The following GHR variants were observed in gnomAD, a reference collection of about 807,000 sequenced individuals.
The protein encoded by GHR is growth hormone receptor.
In GHR, 35 loss-of-function variants were observed where a neutral mutation model predicts 67.1. That is an observed-to-expected ratio of 0.52 (90% CI 0.40 to 0.69). The LOEUF is 0.69. Ranked by LOEUF, GHR falls within the 30% of genes least tolerant of loss-of-function variation. The pLI, the probability that GHR is intolerant of heterozygous loss-of-function variation, is 0.00. For synonymous variants in GHR, 272 were observed against 269.1 expected, an observed-to-expected ratio of 1.01 and a Z score of -0.10; for missense variants, 792 against 764.6, an observed-to-expected ratio of 1.04 and a Z score of -0.42.
chr5:42,501,548 C>T (rs1168441675), intron 1 of GHR, among the ~76,000 whole-genome samples: 1 of 152,140 alleles, frequency 6.6e-6, no homozygotes, highest in Admixed American at 6.5e-5. Context: ...GCACTGTTGA[C>T]ATTTTGGGCC....
chr5:42,519,632 G>A (rs1747387766), intron 1 of GHR, among the ~76,000 whole-genome samples: 1 of 152,098 alleles, frequency 6.6e-6, no homozygotes, highest in Non-Finnish European at 1.5e-5. Flanking sequence ...CTCTGTCTGT[G>A]GATCTGATTT....
intron 7 of GHR, among the ~76,000 whole-genome samples, 183 bp from the exon 8 acceptor site, chr5:42,713,246 G>A (rs957225556): frequency 6.6e-5 from 10 of 152,038 alleles, no homozygotes; most frequent in Non-Finnish European, 1.2e-4. Flanking sequence ...AAAGTGGACA[G>A]AGATGTTCAT....
In GHR at chr5:42,591,149, T is replaced by C. The variant is rs553056951; in HGVS notation, c.70+25205T>C. On this transcript the variant is annotated intron_variant, in intron 2 of 9. Coordinates refer to ENST00000230882, the MANE Select transcript of GHR (RefSeq NM_000163.5). ...AAAAGAACACAGGGAACCCTGCAAG[T>C]TTAAGCGGTTTTGGCAGCCGAGGAA... Among the ~76,000 whole-genome samples, 7 of 152,344 alleles carry C rather than the reference T, an allele frequency of 4.6e-5. No individual in the cohort carries two copies. In the South Asian group the frequency reaches 1.5e-3, roughly 32 times the overall value.
chr5:42,689,978 G>T (rs1369232912), intron 4 of GHR, among the ~76,000 whole-genome samples: 1 of 152,122 alleles, frequency 6.6e-6, no homozygotes, highest in Non-Finnish European at 1.5e-5. Flanking sequence ...CATCCAAGTT[G>T]TTTATTTCTT....
intron 2 of GHR, among the ~76,000 whole-genome samples, chr5:42,582,877 C>T (rs1486092165): frequency 2.6e-5 from 4 of 152,244 alleles, no homozygotes; most frequent in South Asian, 2.1e-4. Flanking sequence ...GAGCTGCTCA[C>T]CCCACCACGG....
chr5:42,684,094 T>C (rs906528063), intron 3 of GHR, among the ~76,000 whole-genome samples: 2 of 152,228 alleles, frequency 1.3e-5, no homozygotes, highest in African/African-American at 4.8e-5. Context: ...TGATTGACAT[T>C]TGTATTTGGT....
intron 1 of GHR, among the ~76,000 whole-genome samples, chr5:42,436,502 G>A (rs1743333067): frequency 6.6e-6 from 1 of 152,070 alleles, no homozygotes; most frequent in African/African-American, 2.4e-5. Context: ...TGTAAAACAT[G>A]TTGTTTTTTT....
At chr5:42,617,375 A>G (rs1230757911) in intron 2 of GHR, among the ~76,000 whole-genome samples, 5 of 136,144 alleles carry the variant, frequency 3.7e-5, no homozygotes, top group Non-Finnish European at 7.8e-5. Context: ...TGCTGCTAGG[A>G]AGTTCATTTT....
At chr5:42,473,783 A>C (rs549601867) in intron 1 of GHR, among the ~76,000 whole-genome samples, 1 of 152,034 alleles carries the variant, frequency 6.6e-6, no homozygotes, top group East Asian at 1.9e-4. Flanking sequence ...AGGCTGAGGC[A>C]GGAGAATCGC....
intron 2 of GHR, among the ~76,000 whole-genome samples, chr5:42,579,986 T>G (rs1240129045): frequency 6.6e-6 from 1 of 152,036 alleles, no homozygotes; most frequent in Admixed American, 6.5e-5. Flanking sequence ...GTTTTTCATG[T>G]GAAAATTTCC....
intron 3 of GHR, among the ~76,000 whole-genome samples, chr5:42,663,697 A>C (rs371940081): frequency 7.2e-4 from 109 of 152,180 alleles, no homozygotes; most frequent in Middle Eastern, 3.4e-3. Context: ...GACAGGGATG[A>C]CCTCTCTCAC....
chr5:42,703,021 T>C (rs1758004436), intron 6 of GHR, among the ~76,000 whole-genome samples: 1 of 152,026 alleles, frequency 6.6e-6, no homozygotes, highest in African/African-American at 2.4e-5. Flanking sequence ...TTTTACTCTG[T>C]TGATTGTTTC....
intron 5 of GHR, among the ~76,000 whole-genome samples, chr5:42,696,334 G>T (rs972003148): frequency 7.9e-5 from 12 of 152,224 alleles, no homozygotes; most frequent in Non-Finnish European, 1.8e-4. Flanking sequence ...TACGTGGAAT[G>T]CAGAGCTGCA....
chr5:42,475,086 G>A (rs1035867059), intron 1 of GHR, among the ~76,000 whole-genome samples: 17 of 152,030 alleles, frequency 1.1e-4, no homozygotes, highest in Non-Finnish European at 2.4e-4. Context: ...GTTTCACCAC[G>A]TTGGCCAGGC....
chr5:42,648,590 T>C (rs188924687), intron 3 of GHR, among the ~76,000 whole-genome samples: 48 of 152,210 alleles, frequency 3.2e-4, no homozygotes, highest in Admixed American at 2.9e-3. Context: ...TCCCCTTCTT[T>C]ATTATATCGG....
intron 4 of GHR, among the ~76,000 whole-genome samples, chr5:42,693,776 C>T (rs550781441): frequency 2.0e-5 from 3 of 152,282 alleles, no homozygotes; most frequent in East Asian, 3.9e-4. Flanking sequence ...GAGCCACAGG[C>T]GCCTCTGCCT....
At chr5:42,467,019 T>C in intron 1 of GHR, 1 of 1,565,870 alleles carries the variant, frequency 6.4e-7, no homozygotes, top group East Asian at 2.3e-5. Flanking sequence ...TCAACCTCTG[T>C]CTGAAGGCCT....
chr5:42,526,913 G>C (rs1370248378), intron 1 of GHR, among the ~76,000 whole-genome samples: 1 of 152,194 alleles, frequency 6.6e-6, no homozygotes, highest in African/African-American at 2.4e-5. Context: ...AGCCAGAAGA[G>C]ATTGGGGGCC....
intron 2 of GHR, among the ~76,000 whole-genome samples, chr5:42,611,919 G>A (rs1286709746): frequency 6.6e-6 from 1 of 152,100 alleles, no homozygotes; most frequent in Non-Finnish European, 1.5e-5. Context: ...CACAGAAAGT[G>A]TTGAAGTTCA....
Sources: gnomAD v4.1 joint callset for allele counts (sites outside exome capture counted in the v4.1 genomes callset) on GRCh38, gnomAD v4.1.1 for gene constraint, MANE v1.5 for transcripts, NCBI Gene and HGNC (gene_info 2026-07-23, HGNC 2026-07-21) for gene names.